The following ZNF587 variants were observed in gnomAD, a reference collection of about 807,000 sequenced individuals.
ZNF587 encodes the protein zinc finger protein 587.
Under a neutral mutation model 7.5 loss-of-function variants are expected in ZNF587, and 8 were observed. The ratio of observed to expected loss-of-function variants is 1.06; its 90% CI spans 0.62 to 1.92. ZNF587 has a LOEUF of 1.92. ZNF587 is among the 40% of genes most tolerant of loss of function. The probability of loss-of-function intolerance (pLI) is 0.00; values close to 1 mark genes in which losing one functional copy is unlikely to be tolerated. For missense variants in ZNF587, 468 were observed against 692.8 expected (o/e 0.68, Z 3.64); for synonymous variants, 145 against 237.8 (o/e 0.61, Z 3.59).
Position 57,859,870 on chromosome 19 carries a change from C to T in ZNF587, c.1458C>T (p.His486=), listed in dbSNP as rs528804346. The part of the protein sequence containing the change: ...KHSVTIHQRI[H]TGERPYECSE... The stretch of plus-strand genomic sequence containing the variant: ...GCGTGACTATACATCAGAGGATTCA[C>T]ACTGGAGAAAGGCCGTATGAATGCA... The change falls in exon 3 of 3, where the codon CAC becomes CAT. Residue 486 remains histidine, a synonymous_variant. Transcript: ENST00000339656. The T allele has an allele frequency of 5.9e-5, 95 of 1,614,036 alleles. No homozygotes were observed. Among genetic ancestry groups the T allele is most frequent in the Non-Finnish European group, 7.5e-5 (89 of 1,180,024 alleles).
intron 1 of ZNF587, among the ~76,000 whole-genome samples, chr19:57,854,528 A>C (rs1240260784): frequency 6.6e-6 from 1 of 151,664 alleles, no homozygotes; most frequent in Non-Finnish European, 1.5e-5. Context: ...GGACAACCTT[A>C]AAAGGTGTGA....
At chr19:57,854,138 A>G (rs1176806672) in intron 1 of ZNF587, 1 of 152,222 alleles carries the variant, frequency 6.6e-6, no homozygotes, top group Non-Finnish European at 1.5e-5. Flanking sequence ...AGCCTGGTGC[A>G]TATGGGCAGT....
chr19:57,855,486 T>C (rs766529397), intron 1 of ZNF587, among the ~76,000 whole-genome samples: 1 of 151,920 alleles, frequency 6.6e-6, no homozygotes, highest in African/African-American at 2.4e-5. Flanking sequence ...AGCGAGGTTG[T>C]CTGATGGACT....
chr19:57,860,229 T>C lies in ZNF587; in HGVS notation c.*89T>C, dbSNP rs2071417275. The C allele has an allele frequency of 3.1e-6, 5 of 1,603,590 alleles. No homozygotes were observed. The highest frequency in any genetic ancestry group is 4.3e-6 in the Non-Finnish European group (5 of 1,173,184). On this transcript the variant is annotated 3_prime_UTR_variant, in exon 3 of 3. Coordinates refer to ENST00000339656, the MANE Select transcript of ZNF587 (RefSeq NM_032828.4). The stretch of plus-strand genomic sequence containing the variant: ...TACTGGAGAAAGGCCTTATGAGTGC[T>C]GTCAATGTGGAAAACATCAGAATGT...
Position 57,860,314 on chromosome 19 carries a change from G to A in ZNF587, c.*174G>A. The A allele has an allele frequency of 4.6e-6, 6 of 1,304,052 alleles. No homozygotes were observed. In the South Asian group the frequency reaches 8.4e-5, roughly 18 times the overall value. 80.8% of individuals were successfully genotyped at this position (1,304,052 alleles called of 1,614,324 possible). A position where few individuals can be genotyped will look rare whatever the true frequency, so the allele number is the denominator to read the frequency against. On this transcript the variant is annotated 3_prime_UTR_variant, in exon 3 of 3. Transcript: ENST00000339656. ...GATGGAGTCTTGTTCTGTCACCCAG[G>A]CTGGAGTGCAGTGGTGCAGTCTTGG...
At chr19:57,856,770 C>G (rs2071361133) in intron 2 of ZNF587, among the ~76,000 whole-genome samples, 1 of 152,036 alleles carries the variant, frequency 6.6e-6, no homozygotes, top group Non-Finnish European at 1.5e-5. Context: ...GGGAAGGAGT[C>G]AGAGTCAGGA....
intron 1 of ZNF587, 40 bp from the exon 2 acceptor site, chr19:57,856,064 G>A: frequency 6.2e-7 from 1 of 1,611,740 alleles, no homozygotes. Context: ...TGGTACCTCA[G>A]CAGAGGGGCT....
chr19:57,859,437 A>G lies in ZNF587; in HGVS notation c.1025A>G (p.His342Arg). Residue 342 changes from histidine to arginine, a missense_variant, in exon 3 of 3, where the codon CAT (histidine) becomes CGT (arginine). His to Arg is a conservative substitution (Grantham distance 29, BLOSUM62 0). Coordinates refer to ENST00000339656, the MANE Select transcript of ZNF587 (RefSeq NM_032828.4). ...GGTCAAAAGGGTAACCTCATTCAAC[A>G]TCAGCAAGGTCACACTGGAGAGAGA... Reference protein sequence around the residue: ...SFGQKGNLIQHQQGHTGERAY... With the variant: ...SFGQKGNLIQRQQGHTGERAY... 6.2e-7 allele frequency: 1 copy of G among 1,611,822 alleles called. No individual in the cohort carries two copies. Among genetic ancestry groups the G allele is most frequent in the Non-Finnish European group, 8.5e-7 (1 of 1,179,988 alleles).
rs2071478130 is a variant in ZNF587 at position 57,864,295 on chromosome 19, A to C, written c.*4155A>C. On this transcript the variant is annotated 3_prime_UTR_variant, in exon 3 of 3. Coordinates refer to ENST00000339656, the MANE Select transcript of ZNF587 (RefSeq NM_032828.4). ...CCTATAGGTTCCCTCCACCACGCCC[A>C]GCTAATTTTTGTATTTTTAGTAGAG... is the stretch of plus-strand genomic sequence containing the variant. The C allele has an allele frequency of 6.6e-6, 1 of 151,332 alleles. No homozygotes were observed. Among genetic ancestry groups the C allele is most frequent in the Admixed American group, 6.6e-5 (1 of 15,172 alleles). The allele number at this position is 151,332 out of a possible 1,614,324, so 9.4% of individuals were successfully genotyped here.
rs201295436 is a variant in ZNF587 at position 57,860,271 on chromosome 19, TA to T, written c.*133del. On this transcript the variant is annotated 3_prime_UTR_variant, in exon 3 of 3. Transcript: ENST00000339656. ...TCAGAATGTCTGCTGTCCTCGGTCT[TA>T]AGCGACTTCGTGTTGAGATGGAGTC... is the stretch of plus-strand genomic sequence containing the variant. The T allele has an allele frequency of 6.3e-4, 968 of 1,538,154 alleles. 8 individuals are homozygous for T. In the East Asian group the frequency reaches 0.019, roughly 31 times the overall value.
intron 1 of ZNF587, 132 bp downstream of exon 1, chr19:57,850,203 G>T (rs2071263420): frequency 1.9e-6 from 3 of 1,545,378 alleles, no homozygotes; most frequent in East Asian, 4.6e-5. Flanking sequence ...CTCACAGGAG[G>T]CCTCTCCTTG....
rs2071492065 is a variant in ZNF587 at position 57,865,099 on chromosome 19, A to C, written c.*4959A>C. On this transcript the variant is annotated 3_prime_UTR_variant, in exon 3 of 3. Coordinates refer to ENST00000339656, the MANE Select transcript of ZNF587 (RefSeq NM_032828.4). Reference sequence around the variant, plus strand: ...CTTGTATGTGAATTAAATATATGTCAAACTTTTTTTGTACAAAAGATTCAT... The same window carrying C: ...CTTGTATGTGAATTAAATATATGTCCAACTTTTTTTGTACAAAAGATTCAT... 1 of 152,174 alleles carries C rather than the reference A, an allele frequency of 6.6e-6. No individual in the cohort carries two copies. The highest frequency in any genetic ancestry group is 2.4e-5 in the African/African-American group (1 of 41,458). 9.4% of individuals were successfully genotyped at this position (152,174 alleles called of 1,614,324 possible).
rs777351789 is a variant in ZNF587, at chr19:57,858,750, C to T, written c.338C>T (p.Thr113Ile). 4 of 1,597,234 alleles carry T rather than the reference C, an allele frequency of 2.5e-6. No homozygotes were observed. In the South Asian group the frequency reaches 3.3e-5, roughly 13 times the overall value. Residue 113 changes from threonine (T) to isoleucine (I), a missense_variant, in exon 3 of 3, where the codon ACT (threonine) becomes ATT (isoleucine). By Grantham distance (89) the Thr-to-Ile change is moderately conservative. Around this residue, in one of 5 missense-constraint regions of ZNF587, gnomAD observed 23 missense variants for 66.2 expected, o/e 0.35. Coordinates refer to ENST00000339656, the MANE Select transcript of ZNF587 (RefSeq NM_032828.4). The part of the protein sequence containing the change: ...DVFHFADHQE[T>I]HHKQKLNRSG... Reference sequence around the variant, plus strand: ...TTTCACTTTGCTGACCACCAGGAAACTCATCACAAGCAGAAGCTGAACAGG... The same window carrying T: ...TTTCACTTTGCTGACCACCAGGAAATTCATCACAAGCAGAAGCTGAACAGG...
intron 1 of ZNF587, among the ~76,000 whole-genome samples, chr19:57,854,325 A>G (rs2071322829): frequency 6.6e-6 from 1 of 151,760 alleles, no homozygotes; most frequent in African/African-American, 2.4e-5. Flanking sequence ...CTGTGTGGCT[A>G]TGGAGTCATT....
chr19:57,859,972 T>G lies in ZNF587; in HGVS notation c.1560T>G (p.Tyr520Ter), dbSNP rs138941470. The change falls in exon 3 of 3, where the codon TAT becomes TAG. Residue 520 changes from tyrosine to a stop codon, truncating the protein, a stop_gained. Coordinates refer to ENST00000339656, the MANE Select transcript of ZNF587 (RefSeq NM_032828.4). LOFTEE classifies it low-confidence loss of function (END_TRUNC). ...HKRVHSGQKPYKCSECGKSFS... is the reference protein window; with the variant it reads ...HKRVHSGQKP ...GAGTTCATTCTGGACAAAAGCCTTA[T>G]AAGTGCAGTGAATGTGGAAAATCCT... The G allele has an allele frequency of 6.2e-7, 1 of 1,614,034 alleles. No homozygotes were observed.
intron 1 of ZNF587, chr19:57,853,844 C>CTCCTGGGT (rs956427672): frequency 5.3e-5 from 8 of 151,698 alleles, no homozygotes; most frequent in Non-Finnish European, 1.0e-4. Flanking sequence ...CAACCTCCAC[C>CTCCTGGGT]TCCTGGGTTC....
Position 57,859,871 on chromosome 19 carries a change from A to G in ZNF587, c.1459A>G (p.Thr487Ala). ...CGTGACTATACATCAGAGGATTCAC[A>G]CTGGAGAAAGGCCGTATGAATGCAG... is the stretch of plus-strand genomic sequence containing the variant. The part of the protein sequence containing the change: ...HSVTIHQRIH[T>A]GERPYECSEC... Residue 487 changes from threonine to alanine, a missense_variant, in exon 3 of 3, where the codon ACT becomes GCT. Thr to Ala is a moderately conservative substitution (Grantham distance 58). Transcript: ENST00000339656. 1 of 1,614,250 alleles carries G rather than the reference A, an allele frequency of 6.2e-7. No homozygotes were observed. Among genetic ancestry groups the G allele is most frequent in the Non-Finnish European group, 8.5e-7 (1 of 1,180,036 alleles).
intron 1 of ZNF587, among the ~76,000 whole-genome samples, chr19:57,855,557 C>CTTTTTTTTTTTTT (rs1025898932): frequency 6.9e-6 from 1 of 144,796 alleles, no homozygotes; most frequent in African/African-American, 2.6e-5. Flanking sequence ...GGGGTGTGGG[C>CTTTTTTTTTTTTT]TTTTTTTGTT....
At chr19:57,855,897 CAT>C (rs1445268746) in intron 1 of ZNF587, 37 of 844,404 alleles carry the variant, frequency 4.4e-5, no homozygotes, top group Non-Finnish European at 6.6e-5. Context: ...AGGACCTCAG[CAT>C]GGATACCTAT....
Sources: gnomAD v4.1 joint callset for allele counts (sites outside exome capture counted in the v4.1 genomes callset) on GRCh38, gnomAD v4.1.1 for gene constraint, gnomAD v4.1.1 regional missense constraint, MANE v1.5 for transcripts, NCBI Gene and HGNC (gene_info 2026-07-23, HGNC 2026-07-21) for gene names.